PARD3B: variants seen among roughly 807,000 people sequenced by gnomAD.
PARD3B encodes partitioning defective 3 homolog B.
In PARD3B, 103 loss-of-function variants were observed where a neutral mutation model predicts 130.2. That is an observed-to-expected ratio of 0.79 (90% CI 0.67 to 0.93). The LOEUF is 0.93. Ranked by LOEUF, PARD3B falls within the 40% of genes least tolerant of loss-of-function variation. The pLI, the probability that PARD3B is intolerant of heterozygous loss-of-function variation, is 0.00. For synonymous variants in PARD3B, 583 were observed against 553.2 expected (o/e 1.05, Z -0.76); for missense variants, 1,609 against 1,499.2 (o/e 1.07, Z -1.21).
chr2:205,084,537 G>A (rs1701626801), intron 4 of PARD3B, among the ~76,000 whole-genome samples: 1 of 151,790 alleles, frequency 6.6e-6, no homozygotes, highest in Admixed American at 6.6e-5. Flanking sequence ...ATCACCTATT[G>A]CAATCGTTCT....
chr2:204,986,332 CT>C (rs367717937), intron 3 of PARD3B, among the ~76,000 whole-genome samples: 96 of 152,228 alleles, frequency 6.3e-4, no homozygotes, highest in African/African-American at 2.3e-3. Context: ...CTGAATTATC[CT>C]TCTTCAAAAC....
At chr2:204,878,533 G>C (rs1284718552) in intron 2 of PARD3B, among the ~76,000 whole-genome samples, 1 of 151,524 alleles carries the variant, frequency 6.6e-6, no homozygotes, top group African/African-American at 2.4e-5. Context: ...TTTTTATTTT[G>C]TATTAAAAAA....
intron 4 of PARD3B, among the ~76,000 whole-genome samples, chr2:205,063,057 A>G (rs1475907188): frequency 1.3e-5 from 2 of 152,020 alleles, no homozygotes; most frequent in African/African-American, 4.8e-5. Flanking sequence ...GTCTCTGGTC[A>G]GTGTTTTCTT....
intron 2 of PARD3B, among the ~76,000 whole-genome samples, chr2:204,827,678 A>T (rs1293459331): frequency 6.6e-6 from 1 of 152,240 alleles, no homozygotes; most frequent in Non-Finnish European, 1.5e-5. Context: ...TTTTGCTCGA[A>T]AATCTGTCAA....
At chr2:205,040,251 C>G (rs1698299569) in intron 3 of PARD3B, among the ~76,000 whole-genome samples, 1 of 152,178 alleles carries the variant, frequency 6.6e-6, no homozygotes, top group Non-Finnish European at 1.5e-5. Context: ...CATAAGCCAC[C>G]ACGCCCGGCT....
chr2:205,103,230 CAT>C (rs370868931), intron 4 of PARD3B, among the ~76,000 whole-genome samples: 116 of 128,900 alleles, frequency 9.0e-4, no homozygotes, highest in African/African-American at 2.3e-3. Context: ...GTAAAATAAA[CAT>C]ATTTTATATT....
intron 10 of PARD3B, among the ~76,000 whole-genome samples, chr2:205,157,530 G>A (rs535399152): frequency 2.8e-4 from 42 of 152,252 alleles, no homozygotes; most frequent in Non-Finnish European, 5.9e-5. Flanking sequence ...CAATGGATCT[G>A]GCTGTGATCC....
Position 205,575,638 on chromosome 2 carries a change from T to C in PARD3B, c.3260+22235T>C, listed in dbSNP as rs1022643804. ...TTGGAATCACACAGTATGTAGCCTT[T>C]TCAGATTGGCTTCTTTCACTTTATA... On this transcript the variant is annotated intron_variant, in intron 22 of 22. Coordinates refer to ENST00000406610, the MANE Select transcript of PARD3B (RefSeq NM_001302769.2). This position sits in a 1 kb window ranked among gnomAD's most constrained non-coding sequence, Gnocchi z 4.6. Among the ~76,000 whole-genome samples the C allele has an allele frequency of 2.0e-5, 3 of 152,146 alleles. No individual in the cohort carries two copies. The highest frequency in any genetic ancestry group is 7.2e-5 in the African/African-American group (3 of 41,430).
chr2:204,883,041 T>C (rs2046114842), intron 2 of PARD3B, among the ~76,000 whole-genome samples: 1 of 152,162 alleles, frequency 6.6e-6, no homozygotes, highest in South Asian at 2.1e-4. Context: ...TTCCTTAATT[T>C]TCTTCAATCT....
intron 18 of PARD3B, among the ~76,000 whole-genome samples, chr2:205,340,659 G>A (rs1273313417): frequency 1.3e-5 from 2 of 152,046 alleles, no homozygotes; most frequent in African/African-American, 2.4e-5. Flanking sequence ...AGGAAACCAG[G>A]GGAAACAGTT....
At chr2:205,465,519 G>A (rs1361950265) in intron 20 of PARD3B, among the ~76,000 whole-genome samples, 1 of 152,136 alleles carries the variant, frequency 6.6e-6, no homozygotes, top group Non-Finnish European at 1.5e-5. Context: ...CCCTATGTGT[G>A]TAAAGTCCAA....
At chr2:204,590,933 G>A (rs11902442) in intron 1 of PARD3B, among the ~76,000 whole-genome samples, 3 of 152,092 alleles carry the variant, frequency 2.0e-5, no homozygotes, top group Non-Finnish European at 4.4e-5. Context: ...TTAAAGATAG[G>A]CAGTGAGACT....
intron 8 of PARD3B, among the ~76,000 whole-genome samples, chr2:205,123,716 G>A (rs1196190047): frequency 2.6e-5 from 4 of 151,480 alleles, no homozygotes; most frequent in Admixed American, 6.6e-5. Flanking sequence ...AGAGATGGTC[G>A]CGGGTAGGTC....
chr2:204,617,107 G>C (rs1181057037), intron 1 of PARD3B, among the ~76,000 whole-genome samples: 1 of 152,068 alleles, frequency 6.6e-6, no homozygotes, highest in Non-Finnish European at 1.5e-5. Context: ...CCCTTCCCAG[G>C]GTTCCTCTTT....
At chr2:204,756,710 GCTTT>G (rs1190782177) in intron 2 of PARD3B, among the ~76,000 whole-genome samples, 1 of 152,090 alleles carries the variant, frequency 6.6e-6, no homozygotes, top group Non-Finnish European at 1.5e-5. Flanking sequence ...GTAAAGAAGG[GCTTT>G]CTAATTTAGA....
chr2:205,468,218 C>T (rs138050478), intron 20 of PARD3B, among the ~76,000 whole-genome samples: 1 of 152,350 alleles, frequency 6.6e-6, no homozygotes, highest in African/African-American at 2.4e-5. Flanking sequence ...GCTTCGACAA[C>T]AACTAACTCA....
At chr2:205,000,494 G>C (rs1254187909) in intron 3 of PARD3B, among the ~76,000 whole-genome samples, 1 of 152,144 alleles carries the variant, frequency 6.6e-6, no homozygotes, top group East Asian at 1.9e-4. Flanking sequence ...ATATGGCACA[G>C]TCACATAAAA....
At chr2:204,560,637 G>A (rs1223700555) in intron 1 of PARD3B, among the ~76,000 whole-genome samples, 2 of 152,172 alleles carry the variant, frequency 1.3e-5, no homozygotes, top group Non-Finnish European at 2.9e-5. Flanking sequence ...TTGTTTGAAG[G>A]AGGAGGTTGG....
At chr2:205,354,503 G>C (rs1006771675) in intron 18 of PARD3B, among the ~76,000 whole-genome samples, 9 of 149,692 alleles carry the variant, frequency 6.0e-5, no homozygotes, top group African/African-American at 2.2e-4. Flanking sequence ...AATCTTTTTA[G>C]AGCTGGGGTC....
Sources: allele counts gnomAD v4.1 joint callset (sites outside exome capture counted in the v4.1 genomes callset), GRCh38; gene constraint gnomAD v4.1.1; non-coding constraint Gnocchi (gnomAD v3.1); transcripts MANE v1.5; gene names NCBI Gene and HGNC (gene_info 2026-07-23, HGNC 2026-07-21).